Variants in TRMT11 observed in about 807,000 individuals in gnomAD.
TRMT11 encodes the protein tRNA methyltransferase 11, also known as tRNA (guanine(10)-N(2))-methyltransferase TRMT11.
A neutral mutation model predicts 62.8 loss-of-function variants in TRMT11; 53 were observed. The ratio of observed to expected loss-of-function variants is 0.84; its 90% CI spans 0.68 to 1.06. The LOEUF is 1.06. Ranked by LOEUF, TRMT11 falls within the 50% of genes least tolerant of loss-of-function variation. The pLI is 0.00. For synonymous variants in TRMT11, 188 were observed against 190.3 expected (o/e 0.99, Z 0.10); for missense variants, 556 against 553.4 (o/e 1.00, Z -0.05).
At chr6:126,142,666 A>C (rs1390406696) in intron 21 of TRMT11, among the ~76,000 whole-genome samples, 4 of 152,096 alleles carry the variant, frequency 2.6e-5, no homozygotes, top group Non-Finnish European at 4.4e-5. Context: ...GCTGTTGTGA[A>C]GATAAAATAA....
chr6:126,149,460 T>C (rs1252157253), intron 21 of TRMT11, among the ~76,000 whole-genome samples: 1 of 152,204 alleles, frequency 6.6e-6, no homozygotes, highest in South Asian at 2.1e-4. Flanking sequence ...TATTTAATAT[T>C]GTCCTTACAA....
At chr6:126,222,163 G>C in the TRMT11 span, among the ~76,000 whole-genome samples, 1 of 152,090 alleles carries the variant, frequency 6.6e-6, no homozygotes, top group Non-Finnish European at 1.5e-5. Context: ...TGTTCCATTA[G>C]TCTATGTGTC....
chr6:126,047,638 C>T (rs1170991519), intron 16 of TRMT11, among the ~76,000 whole-genome samples: 2 of 152,188 alleles, frequency 1.3e-5, no homozygotes, highest in South Asian at 2.1e-4. Flanking sequence ...TGGTTTAACA[C>T]TTAGCTGTCC....
At chr6:125,992,342 C>G (rs1220139779) in intron 1 of TRMT11, among the ~76,000 whole-genome samples, 2 of 152,164 alleles carry the variant, frequency 1.3e-5, no homozygotes, top group African/African-American at 2.4e-5. Flanking sequence ...GGTGTTTTAA[C>G]TTGGTTATAG....
chr6:126,040,682 A>G (rs184801704), downstream of TRMT11, among the ~76,000 whole-genome samples: 10 of 152,224 alleles, frequency 6.6e-5, no homozygotes, highest in East Asian at 1.9e-3. Flanking sequence ...GATTTACAGT[A>G]TAATCTGTGA....
At chr6:126,094,620 G>A (rs1395659553) in intron 17 of TRMT11, among the ~76,000 whole-genome samples, 2 of 152,140 alleles carry the variant, frequency 1.3e-5, no homozygotes, top group Non-Finnish European at 2.9e-5. Flanking sequence ...CCTGGTTGGC[G>A]GGCATAGAGA....
At chr6:126,244,949 A>G in the TRMT11 span, among the ~76,000 whole-genome samples, 1 of 152,196 alleles carries the variant, frequency 6.6e-6, no homozygotes, top group Non-Finnish European at 1.5e-5. Flanking sequence ...AATTATGTAA[A>G]ATATTCAATG....
chr6:126,127,678 C>T (rs961103424), intron 21 of TRMT11, among the ~76,000 whole-genome samples: 9 of 140,552 alleles, frequency 6.4e-5, no homozygotes, highest in Non-Finnish European at 6.2e-5. Flanking sequence ...CGACAGGCCC[C>T]GGTGTGTGAT....
the TRMT11 span, among the ~76,000 whole-genome samples, chr6:126,213,412 A>G: frequency 2.6e-5 from 4 of 151,992 alleles, no homozygotes; most frequent in Non-Finnish European, 5.9e-5. Context: ...AACATAGAAT[A>G]TCTTTCCTTT....
At chr6:126,046,498 G>C (rs534098942) in intron 16 of TRMT11, among the ~76,000 whole-genome samples, 45 of 152,298 alleles carry the variant, frequency 3.0e-4, no homozygotes, top group African/African-American at 1.1e-3. Flanking sequence ...ATGTTCCCTT[G>C]TTTCTCCCTC....
At chr6:126,124,476 T>G (rs1169565148) in intron 21 of TRMT11, among the ~76,000 whole-genome samples, 1 of 152,134 alleles carries the variant, frequency 6.6e-6, no homozygotes. Flanking sequence ...GCTGTGAGAC[T>G]GCTGTTTCTC....
At chr6:126,147,758 AG>A (rs959806699) in intron 21 of TRMT11, among the ~76,000 whole-genome samples, 1 of 152,164 alleles carries the variant, frequency 6.6e-6, no homozygotes, top group African/African-American at 2.4e-5. Flanking sequence ...CAAGTGAAGC[AG>A]GTTAAAAACA....
chr6:126,034,498 C>G, intron 12 of TRMT11, among the ~76,000 whole-genome samples: 1 of 152,040 alleles, frequency 6.6e-6, no homozygotes, highest in East Asian at 1.9e-4. Flanking sequence ...AGAAACTCTT[C>G]TGATTATAAA....
chr6:126,023,628 CAG>C (rs1382081661), intron 12 of TRMT11, among the ~76,000 whole-genome samples: 1 of 152,112 alleles, frequency 6.6e-6, no homozygotes, highest in Non-Finnish European at 1.5e-5. Flanking sequence ...AGCCTGGTGA[CAG>C]AGTGAGACTC....
chr6:126,246,382 A>G, the TRMT11 span, among the ~76,000 whole-genome samples: 1 of 152,342 alleles, frequency 6.6e-6, no homozygotes, highest in South Asian at 2.1e-4. Flanking sequence ...CTAGTTAATT[A>G]GTTAATTAAG....
the TRMT11 span, among the ~76,000 whole-genome samples, chr6:126,229,164 A>G: frequency 6.6e-6 from 1 of 152,232 alleles, no homozygotes; most frequent in East Asian, 1.9e-4. Context: ...TTATATTTTG[A>G]CATTTTAAAC....
At chr6:126,237,545 G>A in the TRMT11 span, among the ~76,000 whole-genome samples, 1 of 152,094 alleles carries the variant, frequency 6.6e-6, no homozygotes, top group African/African-American at 2.4e-5. Context: ...GCTGGGCGTG[G>A]TGGCACATGC....
intron 17 of TRMT11, among the ~76,000 whole-genome samples, chr6:126,071,297 C>T (rs985626287): frequency 6.6e-6 from 1 of 151,730 alleles, no homozygotes; most frequent in African/African-American, 2.4e-5. Context: ...AAGTCGACAT[C>T]GTGTTTTAAT....
chr6:126,127,436 C>T (rs1777730340), intron 21 of TRMT11, among the ~76,000 whole-genome samples: 1 of 151,828 alleles, frequency 6.6e-6, no homozygotes, highest in African/African-American at 2.4e-5. Context: ...TATTTGGGTT[C>T]TGGTTTTCTT....
Sources: allele counts gnomAD v4.1 joint callset (sites outside exome capture counted in the v4.1 genomes callset), GRCh38; gene constraint gnomAD v4.1.1; transcripts MANE v1.5; gene names NCBI Gene and HGNC (gene_info 2026-07-23, HGNC 2026-07-21).